The following TRIM15 variants were observed in gnomAD, a reference collection of about 807,000 sequenced individuals.
The protein encoded by TRIM15 is E3 ubiquitin-protein ligase TRIM15.
TRIM15 carries 35 observed loss-of-function variants against 35.8 expected under a neutral mutation model. That is an observed-to-expected ratio of 0.98 (90% confidence interval 0.75 to 1.30). TRIM15 has a LOEUF of 1.30. Ranked by LOEUF, TRIM15 falls within the 50% of genes most tolerant of loss-of-function variation. The pLI is 0.00. For synonymous variants in TRIM15, 252 were observed against 249.8 expected, an observed-to-expected ratio of 1.01 and a Z score of -0.08; for missense variants, 590 against 593.5, an observed-to-expected ratio of 0.99 and a Z score of 0.06.
chr6:30,166,542 C>T (rs562410724), intron 1 of TRIM15, among the ~76,000 whole-genome samples: 110 of 152,166 alleles, frequency 7.2e-4, no homozygotes, highest in African/African-American at 2.2e-3. Flanking sequence ...TAGCATGATG[C>T]CTCCAGCTTC....
intron 1 of TRIM15, among the ~76,000 whole-genome samples, chr6:30,166,603 A>G (rs1313987764): frequency 6.6e-6 from 1 of 151,606 alleles, no homozygotes; most frequent in Admixed American, 6.6e-5. Context: ...TATTGGTTCC[A>G]TATGAAATAT....
In TRIM15 at chr6:30,172,209, G is replaced by T; in HGVS notation, c.1258G>T (p.Asp420Tyr). Residue 420 changes from aspartate (D) to tyrosine (Y), a missense_variant, in exon 7 of 7, where the codon GAC (aspartate) becomes TAC (tyrosine). Coordinates refer to ENST00000376694, the MANE Select transcript of TRIM15 (RefSeq NM_033229.3). ...CCCGCGCGGCGTGAGAGTCGCCCTGGACTACGAGGCGGGGCAGGTGACCCT... is the reference window on the plus strand; with the variant it reads ...CCCGCGCGGCGTGAGAGTCGCCCTGTACTACGAGGCGGGGCAGGTGACCCT... ...EIPRGVRVALDYEAGQVTLHN... is the reference protein window; with the variant it reads ...EIPRGVRVALYYEAGQVTLHN... The T allele has an allele frequency of 5.0e-6, 8 of 1,611,606 alleles. No homozygotes were observed. The highest frequency in any genetic ancestry group is 6.8e-6 in the Non-Finnish European group (8 of 1,179,474).
rs752978372 is a variant in TRIM15 at position 30,168,463 on chromosome 6, C to A, written c.641C>A (p.Thr214Asn). 1.9e-6 allele frequency: 3 copies of A among 1,611,756 alleles called. No individual in the cohort carries two copies. The highest frequency in any genetic ancestry group is 4.5e-5 in the East Asian group (2 of 44,862). The change falls in exon 3 of 7, where the codon ACC (threonine) becomes AAC (asparagine). Residue 214 changes from threonine to asparagine, a missense_variant. Coordinates refer to ENST00000376694, the MANE Select transcript of TRIM15 (RefSeq NM_033229.3). Reference sequence around the variant, plus strand: ...ATCACAAAGGTCTCTGAGGAAGTCACCCGGCTTGGAGCCCAGGTCAAGGAG... The same window carrying A: ...ATCACAAAGGTCTCTGAGGAAGTCAACCGGCTTGGAGCCCAGGTCAAGGAG... ...EYITKVSEEV[T>N]RLGAQVKELE...
chr6:30,167,035 G>C (rs1773649326), intron 1 of TRIM15, 141 bp from the exon 2 acceptor site: 1 of 634,274 alleles, frequency 1.6e-6, no homozygotes, highest in South Asian at 1.9e-5. Flanking sequence ...CTGAGATGGT[G>C]GTCTCTTTAG....
intron 3 of TRIM15, 86 bp from the exon 4 acceptor site, chr6:30,169,155 A>G: frequency 1.3e-6 from 2 of 1,521,722 alleles, no homozygotes; most frequent in Non-Finnish European, 1.8e-6. Context: ...TTTTGAGTTC[A>G]TATTTTAAGG....
At chr6:30,169,216 G>C (rs552122973) in intron 3 of TRIM15, 25 bp from the exon 4 acceptor site, 1 of 1,613,168 alleles carries the variant, frequency 6.2e-7, no homozygotes, top group East Asian at 2.2e-5. Context: ...GAAACTAAAT[G>C]TATGTTCTTG....
chr6:30,170,480 G>T (rs756471892), intron 4 of TRIM15, 21 bp from the exon 5 acceptor site: 2 of 1,575,524 alleles, frequency 1.3e-6, no homozygotes, highest in South Asian at 1.1e-5. Flanking sequence ...GGACCTAACT[G>T]GTTACCAAAC....
In TRIM15 at chr6:30,168,536, A is replaced by G. The variant is rs1215297194; in HGVS notation, c.708+6A>G. The G allele has an allele frequency of 6.3e-7, 1 of 1,576,228 alleles. No homozygotes were observed. The highest frequency in any genetic ancestry group is 1.8e-5 in the Admixed American group (1 of 54,876). ...CAGCAAGTGAGCTTCTACAAGTGAG[A>G]GACACTTCACCACTTTGTAGGATAA... On this transcript the variant is annotated splice_donor_region_variant and intron_variant, in intron 3 of 6. Coordinates refer to ENST00000376694, the MANE Select transcript of TRIM15 (RefSeq NM_033229.3).
intron 5 of TRIM15, 79 bp from the exon 6 acceptor site, chr6:30,170,897 C>T (rs1275491443): frequency 4.6e-6 from 7 of 1,511,430 alleles, no homozygotes; most frequent in Non-Finnish European, 6.3e-6. Context: ...TCACATTGTA[C>T]TCAAGTCACC....
chr6:30,164,386 G>T (rs1773431092), intron 1 of TRIM15, among the ~76,000 whole-genome samples: 1 of 152,090 alleles, frequency 6.6e-6, no homozygotes, highest in Non-Finnish European at 1.5e-5. Flanking sequence ...TTATGGGCAG[G>T]GTAAACTTGT....
chr6:30,170,005 G>A (rs1773896049), intron 4 of TRIM15, among the ~76,000 whole-genome samples: 1 of 152,210 alleles, frequency 6.6e-6, no homozygotes, highest in Non-Finnish European at 1.5e-5. Flanking sequence ...GACCCAGGGG[G>A]TGAAGAGTCT....
At position 30,164,002 on chromosome 6, in the gene TRIM15, G is replaced by A. The variant is rs1773388889; in HGVS notation, c.318G>A (p.Arg106=). ...CCGAGTTCCTCTGTGTGTTCTGCAG[G>A]GAGGGTCCCACGCACCAGGCGCACA... is the stretch of plus-strand genomic sequence containing the variant. ...NDAEFLCVFC[R]EGPTHQAHTV... is the part of the protein sequence containing the mutation. The change falls in exon 1 of 7, where the codon AGG becomes AGA. Residue 106 remains arginine, a synonymous_variant. Coordinates refer to ENST00000376694, the MANE Select transcript of TRIM15 (RefSeq NM_033229.3). 6.2e-7 allele frequency: 1 copy of A among 1,613,012 alleles called. No homozygotes were observed. The highest frequency in any genetic ancestry group is 8.5e-7 in the Non-Finnish European group (1 of 1,180,036).
intron 1 of TRIM15, among the ~76,000 whole-genome samples, chr6:30,164,893 C>T (rs3885828): frequency 0.011 from 1,599 of 152,272 alleles, 59 homozygotes; most frequent in Admixed American, 0.066. Context: ...GGGATCCTTC[C>T]TCCCTGTCCG....
At chr6:30,166,579 C>T (rs1405249569) in intron 1 of TRIM15, among the ~76,000 whole-genome samples, 2 of 152,122 alleles carry the variant, frequency 1.3e-5, no homozygotes, top group Admixed American at 1.3e-4. Flanking sequence ...ATTGTATTGG[C>T]TATGTGGGCT....
At position 30,169,320 on chromosome 6, in the gene TRIM15, A is replaced by T. The variant is rs1301581187; in HGVS notation, c.731+57A>T. The T allele has an allele frequency of 3.7e-6, 6 of 1,604,804 alleles. No homozygotes were observed. In the East Asian group the frequency reaches 1.3e-4, roughly 36 times the overall value. On this transcript the variant is annotated intron_variant, in intron 4 of 6. Transcript: ENST00000376694. ...TACTCAACATCAAGACTGAATGGGA[A>T]GGGGCAGGGGCACTTACTGCCACCC...
chr6:30,164,677 G>T (rs114264956), intron 1 of TRIM15, among the ~76,000 whole-genome samples: 7 of 152,058 alleles, frequency 4.6e-5, no homozygotes, highest in East Asian at 1.9e-4. Flanking sequence ...TCACAGCCAG[G>T]TTCTCCCTAT....
At chr6:30,169,790 T>TC in intron 4 of TRIM15, 1 of 344,972 alleles carries the variant, frequency 2.9e-6, no homozygotes, top group East Asian at 8.1e-5. Flanking sequence ...CCCTGTCTGC[T>TC]ATAAGCATTA....
chr6:30,172,518 A>G lies in TRIM15; in HGVS notation c.*169A>G, dbSNP rs1323043104. ...TTTACTTTATTTATCTTAGGCCCTCAGCTCCCTGACGTCCTGAGCCTCCCT... is the reference window on the plus strand; with the variant it reads ...TTTACTTTATTTATCTTAGGCCCTCGGCTCCCTGACGTCCTGAGCCTCCCT... On this transcript the variant is annotated 3_prime_UTR_variant, in exon 7 of 7. Coordinates refer to ENST00000376694, the MANE Select transcript of TRIM15 (RefSeq NM_033229.3). 5 of 1,014,808 alleles carry G rather than the reference A, an allele frequency of 4.9e-6. No homozygotes were observed. Among genetic ancestry groups the G allele is most frequent in the Non-Finnish European group, 7.2e-6 (5 of 691,638 alleles). The allele number at this position is 1,014,808 out of a possible 1,614,324, so 62.9% of individuals were successfully genotyped here. A position where few individuals can be genotyped will look rare whatever the true frequency, so the allele number is the denominator to read the frequency against.
chr6:30,169,469 T>G, intron 4 of TRIM15: 1 of 708,906 alleles, frequency 1.4e-6, no homozygotes. Context: ...TGGTTGGTAT[T>G]GGGGACACAT....
Sources: gnomAD v4.1 joint callset for allele counts (sites outside exome capture counted in the v4.1 genomes callset) on GRCh38, gnomAD v4.1.1 for gene constraint, MANE v1.5 for transcripts, NCBI Gene and HGNC (gene_info 2026-07-23, HGNC 2026-07-21) for gene names.